SH3PXD2A: variants seen among roughly 807,000 people sequenced by gnomAD.
SH3PXD2A encodes the protein SH3 and PX domains 2A.
SH3PXD2A carries 32 observed loss-of-function variants against 115.2 expected under a neutral mutation model. That is an observed-to-expected ratio of 0.28 (90% CI 0.21 to 0.37). The LOEUF is 0.37. Among genes scored for constraint, SH3PXD2A ranks in the 10% least tolerant of loss-of-function variants. The probability of loss-of-function intolerance (pLI) is 1.00; values close to 1 mark genes in which losing one functional copy is unlikely to be tolerated. For synonymous variants in SH3PXD2A, 610 were observed against 629.1 expected, an observed-to-expected ratio of 0.97 and a Z score of 0.45; for missense variants, 1,328 against 1,498.7, an observed-to-expected ratio of 0.89 and a Z score of 1.88.
At chr10:103,722,141 T>C (rs182280994) in intron 5 of SH3PXD2A, among the ~76,000 whole-genome samples, 10 of 151,880 alleles carry the variant, frequency 6.6e-5, no homozygotes, top group Admixed American at 5.9e-4. Flanking sequence ...CCGTCTCTAC[T>C]AAAAATACAA....
At chr10:103,841,631 A>G (rs1320955293) in intron 1 of SH3PXD2A, among the ~76,000 whole-genome samples, 3 of 152,034 alleles carry the variant, frequency 2.0e-5, no homozygotes, top group Non-Finnish European at 2.9e-5. Flanking sequence ...CCTTTTCCCT[A>G]TCTGACCCCA....
chr10:103,677,436 T>C (rs1041000701), intron 6 of SH3PXD2A, among the ~76,000 whole-genome samples: 6 of 152,070 alleles, frequency 3.9e-5, no homozygotes, highest in African/African-American at 1.4e-4. Context: ...ATCTTTGGGG[T>C]AGGGCTCACG....
intron 8 of SH3PXD2A, among the ~76,000 whole-genome samples, chr10:103,644,451 G>A (rs947029926): frequency 6.6e-6 from 1 of 152,012 alleles, no homozygotes; most frequent in Non-Finnish European, 1.5e-5. Context: ...GCGGGGCATA[G>A]TGGTACGCAC....
At position 103,600,438 on chromosome 10, in the gene SH3PXD2A, C is replaced by G. The variant is rs893914555; in HGVS notation, c.*1378G>C. On this transcript the variant is annotated 3_prime_UTR_variant, in exon 15 of 15. Coordinates refer to ENST00000369774, the MANE Select transcript of SH3PXD2A (RefSeq NM_001394015.1). The stretch of plus-strand genomic sequence containing the variant: ...ATTGCCAGCAGGCCAGAGGGGGTGG[C>G]TGGCGGTGTTGGCTCCAGTCTGACC... 7.2e-5 allele frequency: 11 copies of G among 152,230 alleles called. No homozygotes were observed. The highest frequency in any genetic ancestry group is 2.7e-4 in the African/African-American group (11 of 41,466). The allele number at this position is 152,230 out of a possible 1,614,324, so 9.4% of individuals were successfully genotyped here.
In SH3PXD2A at chr10:103,602,182, G is replaced by A. The variant is rs945503162; in HGVS notation, c.3036C>T (p.Val1012=). The A allele has an allele frequency of 3.8e-6, 6 of 1,575,582 alleles. No homozygotes were observed. The change falls in exon 15 of 15, where the codon GTC becomes GTT. Residue 1012 remains valine, a synonymous_variant. Transcript: ENST00000369774. The part of the protein sequence containing the change: ...SLTATDGLRG[V]RRNSSFSTAR... ...CAGTGCTAAAGGAGGAGTTCCGTCG[G>A]ACGCCTCGGAGGCCATCAGTGGCCG...
intron 8 of SH3PXD2A, among the ~76,000 whole-genome samples, chr10:103,648,038 C>T (rs1385606854): frequency 6.6e-6 from 1 of 152,154 alleles, no homozygotes; most frequent in Non-Finnish European, 1.5e-5. Flanking sequence ...CTATCCCTGC[C>T]CGACTTCCTT....
At chr10:103,832,600 G>GT (rs934074438) in intron 1 of SH3PXD2A, among the ~76,000 whole-genome samples, 1 of 152,188 alleles carries the variant, frequency 6.6e-6, no homozygotes, top group Admixed American at 6.5e-5. Flanking sequence ...CATGTCCTTT[G>GT]TAGGGACATG....
chr10:103,639,900 G>A (rs562369700), intron 8 of SH3PXD2A, among the ~76,000 whole-genome samples: 4 of 152,186 alleles, frequency 2.6e-5, no homozygotes, highest in African/African-American at 4.8e-5. Flanking sequence ...GGGGCGGGAA[G>A]GGGTGGCCTG....
intron 6 of SH3PXD2A, among the ~76,000 whole-genome samples, chr10:103,679,479 G>A (rs564258959): frequency 6.6e-6 from 1 of 152,238 alleles, no homozygotes; most frequent in East Asian, 1.9e-4. Context: ...CCAGGAGACA[G>A]CTGCCTAGTG....
At chr10:103,805,855 C>G (rs1204330920) in intron 1 of SH3PXD2A, among the ~76,000 whole-genome samples, 3 of 152,236 alleles carry the variant, frequency 2.0e-5, no homozygotes, top group Non-Finnish European at 4.4e-5. Flanking sequence ...GAGGCTCTGT[C>G]TCTATTTTAA....
chr10:103,687,575 A>G (rs1177582776), intron 6 of SH3PXD2A, among the ~76,000 whole-genome samples: 1 of 152,078 alleles, frequency 6.6e-6, no homozygotes, highest in East Asian at 1.9e-4. Flanking sequence ...CTGCTGCCAG[A>G]GCCCACATCC....
chr10:103,826,374 C>T (rs868242436), intron 1 of SH3PXD2A, among the ~76,000 whole-genome samples: 1 of 152,168 alleles, frequency 6.6e-6, no homozygotes, highest in Non-Finnish European at 1.5e-5. Flanking sequence ...AGATGCATGT[C>T]CAGGTCTGTT....
chr10:103,800,236 G>A (rs145531796), intron 2 of SH3PXD2A, among the ~76,000 whole-genome samples: 111 of 152,216 alleles, frequency 7.3e-4, no homozygotes, highest in Non-Finnish European at 1.4e-3. Flanking sequence ...CCTGTGATCC[G>A]CAGAGGTGGG....
Position 103,855,263 on chromosome 10 carries a change from G to A in SH3PXD2A, c.4C>T (p.Leu2Phe), listed in dbSNP as rs1005117513. Residue 2 changes from leucine to phenylalanine, a missense_variant, in exon 1 of 15, where the codon CTC becomes TTC. Coordinates refer to ENST00000369774, the MANE Select transcript of SH3PXD2A (RefSeq NM_001394015.1). The stretch of plus-strand genomic sequence containing the variant: ...GTGGCATCCTGCACGCAGTAGGCGA[G>A]CATCTTCCCCCACAAAGCGAGTGGC... MLAYCVQDATVV... is the reference protein window; with the variant it reads MFAYCVQDATVV... 4 of 1,517,112 alleles carry A rather than the reference G, an allele frequency of 2.6e-6. No homozygotes were observed. The highest frequency in any genetic ancestry group is 2.1e-5 in the Admixed American group (1 of 46,748). 94.0% of individuals were successfully genotyped at this position (1,517,112 alleles called of 1,614,324 possible).
At chr10:103,670,424 G>A (rs2134081881) in intron 6 of SH3PXD2A, among the ~76,000 whole-genome samples, 1 of 152,332 alleles carries the variant, frequency 6.6e-6, no homozygotes, top group East Asian at 1.9e-4. Context: ...CATAGTCAGT[G>A]CTTGATAATG....
chr10:103,701,344 A>G (rs1424899495), intron 5 of SH3PXD2A, among the ~76,000 whole-genome samples: 2 of 134,170 alleles, frequency 1.5e-5, no homozygotes. Flanking sequence ...CCATCCATCC[A>G]TCCACCATCC....
chr10:103,706,276 G>C (rs1010901101), intron 5 of SH3PXD2A, among the ~76,000 whole-genome samples: 5 of 152,214 alleles, frequency 3.3e-5, no homozygotes, highest in Admixed American at 1.3e-4. Flanking sequence ...TCTGCCGCTG[G>C]TGTGGCTGCT....
At chr10:103,836,665 C>T (rs1687606450) in intron 1 of SH3PXD2A, among the ~76,000 whole-genome samples, 1 of 124,668 alleles carries the variant, frequency 8.0e-6, no homozygotes, top group Admixed American at 9.2e-5. Context: ...CACACACACT[C>T]CACACTCACA....
At chr10:103,705,440 T>C (rs2037969810) in intron 5 of SH3PXD2A, among the ~76,000 whole-genome samples, 1 of 152,202 alleles carries the variant, frequency 6.6e-6, no homozygotes, top group African/African-American at 2.4e-5. Context: ...ACTACATTTG[T>C]CAAGCATTTA....
Sources: gnomAD v4.1 joint callset for allele counts (sites outside exome capture counted in the v4.1 genomes callset) on GRCh38, gnomAD v4.1.1 for gene constraint, MANE v1.5 for transcripts, NCBI Gene and HGNC (gene_info 2026-07-23, HGNC 2026-07-21) for gene names.